Variants in CDKL5 observed in about 807,000 individuals in gnomAD.
CDKL5 encodes cyclin dependent kinase like 5.
A neutral mutation model predicts 61.7 loss-of-function variants in CDKL5; 8 were observed. That is an observed-to-expected ratio of 0.13 (90% CI 0.08 to 0.23). The LOEUF is 0.23. Ranked by LOEUF, CDKL5 falls within the 10% of genes least tolerant of loss-of-function variation. CDKL5 has a pLI of 1.00. For missense variants in CDKL5, 440 were observed against 734.5 expected (o/e 0.60, Z 4.63); for synonymous variants, 275 against 272.3 (o/e 1.01, Z -0.10).
intron 3 of CDKL5, among the ~76,000 whole-genome samples, chrX:18,552,722 C>T (rs1360284184): frequency 1.8e-5 from 2 of 111,206 alleles, no homozygotes; most frequent in Admixed American, 1.9e-4. Context: ...TTGATTGAGC[C>T]AGGATCTGGG....
rs866907002 is a variant in CDKL5, at chrX:18,495,811, C to T, written c.-162-11124C>T. Among the ~76,000 whole-genome samples the T allele has an allele frequency of 3.6e-5, 4 of 111,924 alleles. No homozygotes were observed. In the South Asian group the frequency reaches 1.5e-3, roughly 42 times the overall value. ...TACTGCCTTCTCAGACAACCTTCCC[C>T]AGATCTCCTACCTAAAGGACCTCTC... On this transcript the variant is annotated intron_variant, in intron 1 of 17. Coordinates refer to ENST00000623535, the MANE Select transcript of CDKL5 (RefSeq NM_001323289.2).
intron 12 of CDKL5, 74 bp from the exon 13 acceptor site, chrX:18,608,737 C>T (rs892347050): frequency 1.5e-6 from 1 of 680,158 alleles, no homozygotes; most frequent in African/African-American, 2.1e-5. Context: ...CTAGTTCTAC[C>T]AAATAAAGGC....
chrX:18,595,106 C>T (rs1246657263), intron 9 of CDKL5, among the ~76,000 whole-genome samples: 4 of 111,744 alleles, frequency 3.6e-5, no homozygotes, highest in Admixed American at 1.9e-4. Context: ...CGCATGAACC[C>T]GGGAGGCAGA....
chrX:18,486,554 A>G (rs1274289614), intron 1 of CDKL5, among the ~76,000 whole-genome samples: 3 of 112,456 alleles, frequency 2.7e-5, no homozygotes, highest in African/African-American at 9.7e-5. Flanking sequence ...TAACTTGGTT[A>G]TGAAATTGGG....
At chrX:18,616,993 A>G (rs1926737461) in intron 15 of CDKL5, among the ~76,000 whole-genome samples, 1 of 111,295 alleles carries the variant, frequency 9.0e-6, no homozygotes. Flanking sequence ...CCTACCCCCA[A>G]CAAGAGTCTG....
intron 9 of CDKL5, among the ~76,000 whole-genome samples, chrX:18,592,515 A>G (rs752154186): frequency 3.5e-4 from 39 of 111,534 alleles, no homozygotes; most frequent in African/African-American, 1.2e-3. Flanking sequence ...TTCTTCCCTA[A>G]ACAATACTGT....
intron 3 of CDKL5, among the ~76,000 whole-genome samples, chrX:18,545,418 T>C (rs1569206443): frequency 8.9e-6 from 1 of 111,792 alleles, no homozygotes; most frequent in Non-Finnish European, 1.9e-5. Flanking sequence ...TAAATACAGG[T>C]AGTAGAATAA....
At chrX:18,649,024 G>C (rs1311029802) in intron 20 of CDKL5, among the ~76,000 whole-genome samples, 1 of 103,798 alleles carries the variant, frequency 9.6e-6, no homozygotes, top group African/African-American at 3.6e-5. Context: ...TTCCAGCCTG[G>C]GTGATAGACA....
intron 3 of CDKL5, among the ~76,000 whole-genome samples, chrX:18,552,623 A>G (rs1405235482): frequency 3.6e-5 from 4 of 111,877 alleles, no homozygotes; most frequent in Admixed American, 9.5e-5. Context: ...AATGCAAGTT[A>G]TAAAGAAGAG....
intron 3 of CDKL5, among the ~76,000 whole-genome samples, chrX:18,553,457 T>C (rs1924471191): frequency 1.0e-5 from 1 of 100,241 alleles, no homozygotes. Flanking sequence ...GGCAGTTGTG[T>C]GTGTGTGCGT....
chrX:18,578,807 T>C (rs1925380538), intron 5 of CDKL5, among the ~76,000 whole-genome samples: 1 of 111,928 alleles, frequency 8.9e-6, no homozygotes, highest in Non-Finnish European at 1.9e-5. Flanking sequence ...AAAAAAGACA[T>C]GTACTCAAGA....
intron 1 of CDKL5, among the ~76,000 whole-genome samples, chrX:18,460,549 G>A (rs1932261106): frequency 9.1e-6 from 1 of 110,180 alleles, no homozygotes; most frequent in African/African-American, 3.3e-5. Flanking sequence ...CCCAGGCTGG[G>A]GTGCAGGGGT....
intron 21 of CDKL5, among the ~76,000 whole-genome samples, chrX:18,653,244 G>A (rs894335941): frequency 4.5e-5 from 5 of 111,858 alleles, no homozygotes; most frequent in East Asian, 2.8e-4. Flanking sequence ...TCAGAGTGCC[G>A]GGGTAATCTT....
chrX:18,449,642 G>T (rs1931962075), intron 1 of CDKL5, among the ~76,000 whole-genome samples: 3 of 112,603 alleles, frequency 2.7e-5, no homozygotes, highest in Non-Finnish European at 5.6e-5. Context: ...CATTCTGGCC[G>T]CATGGTTTCT....
At chrX:18,452,789 C>T (rs1932049053) in intron 1 of CDKL5, among the ~76,000 whole-genome samples, 1 of 94,637 alleles carries the variant, frequency 1.1e-5, no homozygotes, top group Non-Finnish European at 2.1e-5. Context: ...GTTATAGTAT[C>T]ATTGCATCAC....
intron 3 of CDKL5, among the ~76,000 whole-genome samples, chrX:18,560,567 A>G (rs1441182227): frequency 8.9e-6 from 1 of 112,054 alleles, no homozygotes; most frequent in Non-Finnish European, 1.9e-5. Context: ...TGTGCCTGCT[A>G]TTCTAGGTGC....
At chrX:18,599,759 A>G (rs1010329930) in intron 11 of CDKL5, among the ~76,000 whole-genome samples, 1 of 112,524 alleles carries the variant, frequency 8.9e-6, no homozygotes, top group African/African-American at 3.2e-5. Flanking sequence ...CTGGCTGAAA[A>G]CAATAATTCC....
At chrX:18,640,819 C>T (rs930897014), downstream of CDKL5, 1 of 112,546 alleles carries the variant, frequency 8.9e-6, no homozygotes, top group Admixed American at 9.4e-5. Context: ...CCTGCCCCTC[C>T]CCCGTGTTAA....
At chrX:18,520,246 C>T (rs1602238117) in intron 3 of CDKL5, among the ~76,000 whole-genome samples, 1 of 112,286 alleles carries the variant, frequency 8.9e-6, no homozygotes, top group South Asian at 3.7e-4. Context: ...TATTTACCCC[C>T]CATTTTCCCT....
Sources: allele counts gnomAD v4.1 joint callset (sites outside exome capture counted in the v4.1 genomes callset), GRCh38; gene constraint gnomAD v4.1.1; transcripts MANE v1.5; gene names NCBI Gene and HGNC (gene_info 2026-07-23, HGNC 2026-07-21).